HEATR5B: variants seen among roughly 807,000 people sequenced by gnomAD.
HEATR5B encodes HEAT repeat containing 5B.
In HEATR5B, 156 loss-of-function variants were observed where a neutral mutation model predicts 224.1. That is an observed-to-expected ratio of 0.70 (90% confidence interval 0.61 to 0.80). The LOEUF is 0.80. Among genes scored for constraint, HEATR5B ranks in the 30% least tolerant of loss-of-function variants. The pLI is 0.00. For synonymous variants in HEATR5B, 1,027 were observed against 893.0 expected, an observed-to-expected ratio of 1.15 and a Z score of -2.68; for missense variants, 2,323 against 2,535.5, an observed-to-expected ratio of 0.92 and a Z score of 1.80.
intron 22 of HEATR5B, among the ~76,000 whole-genome samples, chr2:37,029,617 T>C (rs1174865875): frequency 2.0e-5 from 3 of 150,416 alleles, no homozygotes; most frequent in Non-Finnish European, 4.4e-5. Flanking sequence ...TGAGCCAAGA[T>C]TGTGCCATTG....
chr2:37,018,849 T>A (rs1045216175), intron 26 of HEATR5B, among the ~76,000 whole-genome samples: 1 of 152,094 alleles, frequency 6.6e-6, no homozygotes, highest in African/African-American at 2.4e-5. Flanking sequence ...GAGAAACTGA[T>A]TAAAGGAATA....
chr2:37,000,551 C>G (rs760172406), intron 33 of HEATR5B, 35 bp downstream of exon 33: 6 of 1,546,916 alleles, frequency 3.9e-6, no homozygotes, highest in Admixed American at 3.3e-5. Flanking sequence ...AACACATATC[C>G]TAACTAACTA....
intron 14 of HEATR5B, among the ~76,000 whole-genome samples, 157 bp from the exon 15 acceptor site, chr2:37,057,637 T>C (rs977649202): frequency 4.6e-5 from 7 of 152,244 alleles, no homozygotes; most frequent in Non-Finnish European, 1.0e-4. Flanking sequence ...CTGGTTTTAA[T>C]ATACAATAAT....
intron 31 of HEATR5B, among the ~76,000 whole-genome samples, chr2:37,003,316 T>C (rs914054233): frequency 6.9e-6 from 1 of 144,342 alleles, no homozygotes; most frequent in Non-Finnish European, 1.5e-5. Context: ...AGTGTGCCTA[T>C]AGTCTCAGCT....
intron 26 of HEATR5B, among the ~76,000 whole-genome samples, chr2:37,015,970 A>C (rs149759234): frequency 1.3e-5 from 2 of 152,312 alleles, no homozygotes; most frequent in African/African-American, 4.8e-5. Flanking sequence ...AGAATAAAGA[A>C]AGAAATTGAA....
At chr2:36,997,078 A>G (rs1177446256) in intron 33 of HEATR5B, among the ~76,000 whole-genome samples, 2 of 152,116 alleles carry the variant, frequency 1.3e-5, no homozygotes, top group East Asian at 3.8e-4. Flanking sequence ...CTCTTTGTAT[A>G]TTAATGATAT....
intron 9 of HEATR5B, 29 bp downstream of exon 9, chr2:37,065,726 A>G (rs1288882263): frequency 6.3e-7 from 1 of 1,586,066 alleles, no homozygotes; most frequent in Admixed American, 1.8e-5. Flanking sequence ...AAGTGGAAAC[A>G]CATACTAGCA....
At chr2:37,077,051 T>G in intron 3 of HEATR5B, 32 bp from the exon 4 acceptor site, 1 of 1,472,114 alleles carries the variant, frequency 6.8e-7, no homozygotes, top group Non-Finnish European at 9.5e-7. Flanking sequence ...CTAGTCATTG[T>G]CCAGGTTAAT....
At chr2:37,003,478 A>C in intron 31 of HEATR5B, 64 bp downstream of exon 31, 1 of 1,197,624 alleles carries the variant, frequency 8.3e-7, no homozygotes, top group Non-Finnish European at 1.2e-6. Flanking sequence ...CCTGGCGTTA[A>C]TATTTTAAAA....
Position 37,062,004 on chromosome 2 carries a change from T to C in HEATR5B, c.1631A>G (p.Asn544Ser), listed in dbSNP as rs1415990977. Residue 544 changes from asparagine (N) to serine (S), a missense_variant, in exon 11 of 36, where the codon AAT becomes AGT. Around this residue, in one of 12 missense-constraint regions of HEATR5B, gnomAD observed 502 missense variants for 517.8 expected, o/e 0.97. Transcript: ENST00000233099. ...GGTGCGCTGTAAAGATAGCCTGCTATTTTGGGCAGCAGTTCGTAAAAGATC... is the reference window on the plus strand; with the variant it reads ...GGTGCGCTGTAAAGATAGCCTGCTACTTTGGGCAGCAGTTCGTAAAAGATC... ...AEDLLRTAAQ[N>S]SRLSLQRTQA... The C allele has an allele frequency of 4.3e-6, 7 of 1,613,924 alleles. No individual in the cohort carries two copies. The highest frequency in any genetic ancestry group is 5.9e-6 in the Non-Finnish European group (7 of 1,179,830).
intron 8 of HEATR5B, among the ~76,000 whole-genome samples, chr2:37,067,078 G>A (rs1478802639): frequency 6.6e-6 from 1 of 151,976 alleles, no homozygotes; most frequent in Admixed American, 6.6e-5. Flanking sequence ...GCCATGTTGG[G>A]CAGGCTGTTT....
In HEATR5B at chr2:37,070,449, T is replaced by A. The variant is rs1377950150; in HGVS notation, c.770-62A>T. 3 of 1,289,632 alleles carry A rather than the reference T, an allele frequency of 2.3e-6. No individual in the cohort carries two copies. In the East Asian group the frequency reaches 7.2e-5, roughly 31 times the overall value. 79.9% of individuals were successfully genotyped at this position (1,289,632 alleles called of 1,614,324 possible). A position where few individuals can be genotyped will look rare whatever the true frequency, so the allele number is the denominator to read the frequency against. Reference sequence around the variant, plus strand: ...TTTCTGAGGCACTCTAGCTTAATAATTCAAGTAATTATTTTTAAGGACACT... The same window carrying A: ...TTTCTGAGGCACTCTAGCTTAATAAATCAAGTAATTATTTTTAAGGACACT... On this transcript the variant is annotated intron_variant, in intron 6 of 35. Coordinates refer to ENST00000233099, the MANE Select transcript of HEATR5B (RefSeq NM_019024.3).
chr2:37,081,047 G>A (rs187291942), intron 2 of HEATR5B, among the ~76,000 whole-genome samples: 383 of 152,276 alleles, frequency 2.5e-3, no homozygotes, highest in African/African-American at 8.9e-3. Flanking sequence ...AGTGTTTCAA[G>A]GTGAAAAGAT....
chr2:37,009,046 T>C (rs1466820961), intron 27 of HEATR5B, among the ~76,000 whole-genome samples, 198 bp from the exon 28 acceptor site: 1 of 150,882 alleles, frequency 6.6e-6, no homozygotes, highest in Non-Finnish European at 1.5e-5. Flanking sequence ...GATCATGAGG[T>C]CAAGAGATTG....
intron 22 of HEATR5B, among the ~76,000 whole-genome samples, chr2:37,031,213 A>G (rs1462527489): frequency 6.6e-6 from 1 of 152,122 alleles, no homozygotes; most frequent in Non-Finnish European, 1.5e-5. Flanking sequence ...TCCTTTTGTC[A>G]TAATAAACAC....
chr2:37,046,055 AGTAAT>A (rs1346931656), intron 18 of HEATR5B, among the ~76,000 whole-genome samples: 1 of 152,242 alleles, frequency 6.6e-6, no homozygotes, highest in Non-Finnish European at 1.5e-5. Context: ...ATATTTAACT[AGTAAT>A]GTAGAGATTT....
chr2:37,064,575 C>G (rs1200005969), intron 10 of HEATR5B, among the ~76,000 whole-genome samples, 165 bp downstream of exon 10: 2 of 151,820 alleles, frequency 1.3e-5, no homozygotes, highest in Non-Finnish European at 2.9e-5. Context: ...AATTAAATAT[C>G]AAATTATAAT....
chr2:37,078,724 C>T (rs113672259), intron 3 of HEATR5B, among the ~76,000 whole-genome samples: 236 of 152,266 alleles, frequency 1.5e-3, no homozygotes, highest in African/African-American at 5.5e-3. Flanking sequence ...AGCTATTACA[C>T]GGACCATGGC....
chr2:36,997,884 G>A (rs532395954), intron 33 of HEATR5B, among the ~76,000 whole-genome samples: 4 of 152,196 alleles, frequency 2.6e-5, no homozygotes, highest in East Asian at 1.9e-4. Flanking sequence ...CCATTCTAAC[G>A]TAAAACATTC....
Sources: gnomAD v4.1 joint callset for allele counts (sites outside exome capture counted in the v4.1 genomes callset) on GRCh38, gnomAD v4.1.1 for gene constraint, gnomAD v4.1.1 regional missense constraint, MANE v1.5 for transcripts, NCBI Gene and HGNC (gene_info 2026-07-23, HGNC 2026-07-21) for gene names.